PUDP: variants seen among roughly 807,000 people sequenced by gnomAD.
PUDP encodes the protein pseudouridine 5'-phosphatase.
A neutral mutation model predicts 9.4 loss-of-function variants in PUDP; 8 were observed. The observed-to-expected ratio is 0.85, with a 90% CI of 0.50 to 1.53. PUDP has a LOEUF of 1.53. Among genes scored for constraint, PUDP ranks in the 40% most tolerant of loss-of-function variants. The probability of loss-of-function intolerance (pLI) is 0.00; values close to 1 mark genes in which losing one functional copy is unlikely to be tolerated. For synonymous variants in PUDP, 99 were observed against 80.7 expected (o/e 1.23, Z -1.22); for missense variants, 188 against 189.7 (o/e 0.99, Z 0.05).
At chrX:7,042,755 C>T (rs1274703279) in intron 1 of PUDP, among the ~76,000 whole-genome samples, 1 of 111,492 alleles carries the variant, frequency 9.0e-6, no homozygotes, top group Non-Finnish European at 1.9e-5. Context: ...TTCCTGATTT[C>T]ACCTTCCATG....
At chrX:7,090,985 T>C (rs375518489) in intron 2 of PUDP, among the ~76,000 whole-genome samples, 1 of 112,377 alleles carries the variant, frequency 8.9e-6, no homozygotes, top group East Asian at 2.8e-4. Flanking sequence ...TCTTTTGTAT[T>C]ATGTAACAGA....
chrX:7,063,626 T>C (rs368846527), intron 3 of PUDP, among the ~76,000 whole-genome samples: 6 of 111,554 alleles, frequency 5.4e-5, no homozygotes, highest in African/African-American at 1.6e-4. Context: ...TTATGTTTTT[T>C]AAATACTACA....
At chrX:6,832,374 T>C (rs1360707562) in intron 3 of PUDP, among the ~76,000 whole-genome samples, 1 of 112,143 alleles carries the variant, frequency 8.9e-6, no homozygotes, top group Non-Finnish European at 1.9e-5. Context: ...CATCCTCTAC[T>C]TTGGACCTAC....
upstream of PUDP, among the ~76,000 whole-genome samples, chrX:6,726,420 G>T (rs776719795): frequency 3.6e-5 from 4 of 111,325 alleles, no homozygotes; most frequent in Non-Finnish European, 5.6e-5. Flanking sequence ...AAAACTAGAA[G>T]AGAGGATTTT....
chrX:6,723,409 T>C (rs12013605), upstream of PUDP, among the ~76,000 whole-genome samples: 356 of 74,375 alleles, frequency 4.8e-3, 4 homozygotes, highest in African/African-American at 0.02. Flanking sequence ...CAGTCCATCC[T>C]GGGTGACAGA....
intron 1 of PUDP, among the ~76,000 whole-genome samples, chrX:7,028,461 C>A (rs1207347033): frequency 9.0e-6 from 1 of 111,477 alleles, no homozygotes; most frequent in Non-Finnish European, 1.9e-5. Context: ...GGCCCCGACT[C>A]ATCCAGGGAG....
At chrX:6,865,935 A>T (rs764748028) in intron 3 of PUDP, among the ~76,000 whole-genome samples, 179 of 109,336 alleles carry the variant, frequency 1.6e-3, no homozygotes, top group Middle Eastern at 9.5e-3. Context: ...GTTAAAAAAA[A>T]TTTAAGAGAC....
intron 1 of PUDP, among the ~76,000 whole-genome samples, chrX:7,138,951 G>A (rs192265582): frequency 2.1e-4 from 23 of 110,898 alleles, no homozygotes; most frequent in South Asian, 1.2e-3. Context: ...AACAAAAAAC[G>A]ACTCTCTTCT....
upstream of PUDP, among the ~76,000 whole-genome samples, chrX:6,725,291 C>T (rs1232302331): frequency 1.8e-5 from 2 of 111,962 alleles, no homozygotes; most frequent in African/African-American, 6.5e-5. Flanking sequence ...TGCATGGGTA[C>T]ATTGTATAGT....
At chrX:7,066,180 C>T (rs1930547782) in intron 3 of PUDP, among the ~76,000 whole-genome samples, 1 of 111,402 alleles carries the variant, frequency 9.0e-6, no homozygotes, top group African/African-American at 3.3e-5. Flanking sequence ...AGTATCATTA[C>T]AAAAAATGCA....
At chrX:6,939,280 G>T (rs945245303) in intron 3 of PUDP, among the ~76,000 whole-genome samples, 2 of 106,419 alleles carry the variant, frequency 1.9e-5, no homozygotes, top group African/African-American at 6.7e-5. Context: ...TATTATTTTA[G>T]ATTTATTATT....
In PUDP at chrX:7,076,375, T is replaced by A. The variant is rs1015842972; in HGVS notation, c.510+845A>T. On this transcript the variant is annotated intron_variant, in intron 3 of 3. Coordinates refer to ENST00000381077, the MANE Select transcript of PUDP (RefSeq NM_012080.5). ...GCATTTGCAGAGACTCCCCGACGGA[T>A]GCCCTCCCCAGCTGCTTACACTTAC... Among the ~76,000 whole-genome samples, 6 of 111,728 alleles carry A rather than the reference T, an allele frequency of 5.4e-5. No individual in the cohort carries two copies. The Admixed American group carries it at 5.7e-4, about 11-fold the overall frequency.
chrX:7,086,605 T>C (rs1359664321), intron 2 of PUDP, among the ~76,000 whole-genome samples: 2 of 112,092 alleles, frequency 1.8e-5, no homozygotes, highest in Admixed American at 1.9e-4. Context: ...CTAGGGAGCA[T>C]GCTTCTTTCT....
At chrX:7,132,840 G>A (rs182135648) in intron 1 of PUDP, among the ~76,000 whole-genome samples, 2 of 111,441 alleles carry the variant, frequency 1.8e-5, no homozygotes, top group East Asian at 5.7e-4. Context: ...AGAACTCTGC[G>A]ATTTCACCCT....
At chrX:6,839,658 C>T (rs1443836488) in intron 3 of PUDP, among the ~76,000 whole-genome samples, 1 of 111,528 alleles carries the variant, frequency 9.0e-6, no homozygotes, top group Non-Finnish European at 1.9e-5. Flanking sequence ...TAACTTAAAA[C>T]AACGAGAGAC....
At chrX:6,800,490 G>C (rs1925914496) in intron 3 of PUDP, among the ~76,000 whole-genome samples, 1 of 111,786 alleles carries the variant, frequency 8.9e-6, no homozygotes, top group African/African-American at 3.2e-5. Flanking sequence ...TAAAGTGTTT[G>C]TTCCTCTGAT....
In PUDP at chrX:6,958,251, C is replaced by T. The variant is rs189043354; in HGVS notation, c.*247+18882G>A. On this transcript the variant is annotated intron_variant and NMD_transcript_variant, in intron 3 of 3. Coordinates refer to the PUDP transcript ENST00000655425. ...AAAGGTAGAGGAGAACAAAGGAAGG[C>T]GGAAGTAACTTGTGGAATGCTGAGA... Among the ~76,000 whole-genome samples the T allele has an allele frequency of 1.2e-3, 139 of 111,480 alleles. 1 individual carries two copies. Among genetic ancestry groups the T allele is most frequent in the Admixed American group, 0.012 (128 of 10,458 alleles).
intron 1 of PUDP, among the ~76,000 whole-genome samples, chrX:7,020,673 C>T (rs1005093145): frequency 6.2e-5 from 7 of 112,407 alleles, no homozygotes; most frequent in African/African-American, 1.6e-4. Context: ...CTTTGTCACT[C>T]GGGGAAGGCC....
At chrX:6,999,393 GA>G (rs1207078004) in intron 1 of PUDP, among the ~76,000 whole-genome samples, 1 of 111,743 alleles carries the variant, frequency 8.9e-6, no homozygotes, top group Admixed American at 9.6e-5. Context: ...TTAAAAATAG[GA>G]AATATAAGAA....
Sources: gnomAD v4.1 joint callset for allele counts (sites outside exome capture counted in the v4.1 genomes callset) on GRCh38, gnomAD v4.1.1 for gene constraint, MANE v1.5 for transcripts, NCBI Gene and HGNC (gene_info 2026-07-23, HGNC 2026-07-21) for gene names.